FAF1: variants seen among roughly 807,000 people sequenced by gnomAD.
FAF1 encodes Fas associated factor 1.
In FAF1, 25 loss-of-function variants were observed where a neutral mutation model predicts 92.5. The observed-to-expected ratio is 0.27, with a 90% CI of 0.20 to 0.38. The LOEUF (loss-of-function observed/expected upper bound fraction) is 0.38. FAF1 is among the 10% of genes least tolerant of loss of function. The probability of loss-of-function intolerance (pLI) is 1.00; values close to 1 mark genes in which losing one functional copy is unlikely to be tolerated. For missense variants in FAF1, 636 were observed against 793.3 expected (o/e 0.80, Z 2.38); for synonymous variants, 234 against 273.2 (o/e 0.86, Z 1.42).
At chr1:50,602,071 A>G (rs532237934) in intron 8 of FAF1, among the ~76,000 whole-genome samples, 1 of 152,268 alleles carries the variant, frequency 6.6e-6, no homozygotes, top group East Asian at 1.9e-4. Flanking sequence ...ATCTTCATAC[A>G]TCACTAAGGA....
intron 6 of FAF1, among the ~76,000 whole-genome samples, chr1:50,708,745 A>G (rs1657795285): frequency 6.6e-6 from 1 of 152,146 alleles, no homozygotes; most frequent in African/African-American, 2.4e-5. Flanking sequence ...TTTAAAGGAG[A>G]TTGATAAATC....
intron 1 of FAF1, among the ~76,000 whole-genome samples, chr1:50,903,166 A>G (rs748680003): frequency 6.6e-6 from 1 of 152,186 alleles, no homozygotes; most frequent in Non-Finnish European, 1.5e-5. Context: ...TATCTAATGC[A>G]TATTCAAACT....
chr1:50,624,137 T>A (rs1468543497), intron 8 of FAF1, among the ~76,000 whole-genome samples: 1 of 152,054 alleles, frequency 6.6e-6, no homozygotes, highest in Non-Finnish European at 1.5e-5. Flanking sequence ...CTAGTCCTAG[T>A]CCAGACACAA....
intron 1 of FAF1, among the ~76,000 whole-genome samples, chr1:50,914,489 A>C (rs1644906972): frequency 1.3e-5 from 2 of 152,250 alleles, no homozygotes; most frequent in Non-Finnish European, 2.9e-5. Flanking sequence ...ACCCTGATTT[A>C]CTTAGCACAT....
chr1:50,480,097 T>C (rs1270953769), intron 17 of FAF1, among the ~76,000 whole-genome samples: 1 of 152,228 alleles, frequency 6.6e-6, no homozygotes, highest in Non-Finnish European at 1.5e-5. Context: ...TTTTGGTTTG[T>C]AATAAAACAA....
chr1:50,507,641 A>T (rs1266226340), intron 15 of FAF1, among the ~76,000 whole-genome samples: 1 of 152,180 alleles, frequency 6.6e-6, no homozygotes, highest in African/African-American at 2.4e-5. Flanking sequence ...GTTTGAGCCC[A>T]GGAGTTCGAG....
At chr1:50,806,672 A>G (rs566037253) in intron 2 of FAF1, among the ~76,000 whole-genome samples, 6 of 152,226 alleles carry the variant, frequency 3.9e-5, no homozygotes, top group Non-Finnish European at 5.9e-5. Context: ...GCTCCAGTAC[A>G]GCATGTTCCT....
chr1:50,845,046 T>C (rs1364048327), intron 2 of FAF1, among the ~76,000 whole-genome samples: 1 of 152,212 alleles, frequency 6.6e-6, no homozygotes, highest in Non-Finnish European at 1.5e-5. Context: ...TGTCATCCAA[T>C]ATCTCCATCT....
intron 7 of FAF1, among the ~76,000 whole-genome samples, chr1:50,690,082 G>C (rs917235620): frequency 7.1e-6 from 1 of 140,116 alleles, no homozygotes. Flanking sequence ...TGCAACCTCC[G>C]CCTCCCGGGT....
intron 6 of FAF1, among the ~76,000 whole-genome samples, chr1:50,714,546 A>C (rs1480583637): frequency 6.6e-6 from 1 of 151,814 alleles, no homozygotes; most frequent in Non-Finnish European, 1.5e-5. Flanking sequence ...ACAAACAAAC[A>C]AAAAAACCTC....
At chr1:50,631,328 T>C (rs1653779605) in intron 8 of FAF1, among the ~76,000 whole-genome samples, 1 of 152,200 alleles carries the variant, frequency 6.6e-6, no homozygotes, top group South Asian at 2.1e-4. Context: ...GAGGAAATCT[T>C]GCACCAGCCA....
At chr1:50,803,800 C>T (rs1662089471) in intron 2 of FAF1, among the ~76,000 whole-genome samples, 1 of 152,082 alleles carries the variant, frequency 6.6e-6, no homozygotes, top group African/African-American at 2.4e-5. Flanking sequence ...GTTAATTTAT[C>T]TTGGAGAAGT....
At chr1:50,934,625 G>A (rs1408013491) in intron 1 of FAF1, among the ~76,000 whole-genome samples, 1 of 152,150 alleles carries the variant, frequency 6.6e-6, no homozygotes, top group Non-Finnish European at 1.5e-5. Flanking sequence ...ACAAGAGGCT[G>A]AGACAGAAGG....
intron 7 of FAF1, among the ~76,000 whole-genome samples, chr1:50,695,352 G>A (rs1043044586): frequency 4.6e-5 from 7 of 151,916 alleles, no homozygotes; most frequent in Non-Finnish European, 8.8e-5. Flanking sequence ...AGGTTGCAGC[G>A]AGCAGAGATT....
At chr1:50,644,505 G>A (rs1287538580) in intron 8 of FAF1, among the ~76,000 whole-genome samples, 1 of 152,212 alleles carries the variant, frequency 6.6e-6, no homozygotes, top group African/African-American at 2.4e-5. Flanking sequence ...CAGATTTCTG[G>A]AGATTTTTCT....
intron 15 of FAF1, among the ~76,000 whole-genome samples, chr1:50,516,354 C>G (rs1453073326): frequency 6.6e-6 from 1 of 152,130 alleles, no homozygotes; most frequent in African/African-American, 2.4e-5. Flanking sequence ...CGTTTTGAAC[C>G]AATCTGGTCT....
At position 50,803,713 on chromosome 1, in the gene FAF1, G is replaced by C. The variant is rs566241963; in HGVS notation, c.115-2036C>G. ...GTGAAAAGTAGCAAGATGGGGAGGGGATTCTATACAGAAGGAACAGTGATA... is the reference window on the plus strand; with the variant it reads ...GTGAAAAGTAGCAAGATGGGGAGGGCATTCTATACAGAAGGAACAGTGATA... On this transcript the variant is annotated intron_variant, in intron 2 of 18. Coordinates refer to ENST00000396153, the MANE Select transcript of FAF1 (RefSeq NM_007051.3). Among the ~76,000 whole-genome samples the C allele has an allele frequency of 3.3e-5, 5 of 152,206 alleles. No individual in the cohort carries two copies. In the East Asian group the frequency reaches 9.6e-4, roughly 29 times the overall value.
chr1:50,907,924 T>G (rs1395723482), intron 1 of FAF1, among the ~76,000 whole-genome samples: 1 of 152,186 alleles, frequency 6.6e-6, no homozygotes, highest in East Asian at 1.9e-4. Flanking sequence ...CTTTTGAATG[T>G]GTTTGCTCTT....
At chr1:50,711,252 C>A (rs1161490576) in intron 6 of FAF1, among the ~76,000 whole-genome samples, 1 of 152,034 alleles carries the variant, frequency 6.6e-6, no homozygotes, top group Non-Finnish European at 1.5e-5. Context: ...TGAGCTATTA[C>A]AACTTACTGA....
Sources: allele counts gnomAD v4.1 joint callset (sites outside exome capture counted in the v4.1 genomes callset), GRCh38; gene constraint gnomAD v4.1.1; transcripts MANE v1.5; gene names NCBI Gene and HGNC (gene_info 2026-07-23, HGNC 2026-07-21).